The following TBCK variants were observed in gnomAD, a reference collection of about 807,000 sequenced individuals.
TBCK encodes TBC domain-containing protein kinase-like protein.
In TBCK, 99 loss-of-function variants were observed where a neutral mutation model predicts 113.4. That is an observed-to-expected ratio of 0.87 (90% confidence interval 0.74 to 1.03). TBCK has a LOEUF of 1.03. Among genes scored for constraint, TBCK ranks in the 50% least tolerant of loss-of-function variants. TBCK has a pLI of 0.00. For missense variants in TBCK, 1,045 were observed against 1,061.3 expected, an observed-to-expected ratio of 0.98 and a Z score of 0.21; for synonymous variants, 369 against 370.8, an observed-to-expected ratio of 1.00 and a Z score of 0.05.
chr4:106,132,511 A>G (rs2149625212), intron 23 of TBCK, among the ~76,000 whole-genome samples: 1 of 152,370 alleles, frequency 6.6e-6, no homozygotes, highest in Admixed American at 6.5e-5. Context: ...CTGGACGTCC[A>G]TGCAAAAGTT....
At chr4:106,090,122 C>A (rs1424786157) in intron 25 of TBCK, among the ~76,000 whole-genome samples, 1 of 152,238 alleles carries the variant, frequency 6.6e-6, no homozygotes, top group Non-Finnish European at 1.5e-5. Flanking sequence ...ATCCAGACTT[C>A]CCCACACGTG....
chr4:106,252,523 T>A (rs1283214213), intron 5 of TBCK, among the ~76,000 whole-genome samples: 2 of 152,128 alleles, frequency 1.3e-5, no homozygotes, highest in Non-Finnish European at 2.9e-5. Context: ...CATGGTGGAA[T>A]ACTATACATA....
At chr4:106,150,177 C>T (rs1392383008) in intron 23 of TBCK, among the ~76,000 whole-genome samples, 1 of 152,124 alleles carries the variant, frequency 6.6e-6, no homozygotes, top group Non-Finnish European at 1.5e-5. Flanking sequence ...GTGAAAAGGG[C>T]TGTTGCTTTT....
intron 20 of TBCK, among the ~76,000 whole-genome samples, chr4:106,197,469 G>C (rs936342170): frequency 2.7e-5 from 4 of 148,338 alleles, no homozygotes; most frequent in Non-Finnish European, 5.9e-5. Flanking sequence ...CAAATGATCA[G>C]AGTGAAAAAA....
Position 106,116,978 on chromosome 4 carries a change from C to A in TBCK, c.2236-600G>T, listed in dbSNP as rs551454984. Reference sequence around the variant, plus strand: ...CTTGATTCATCCTGAAATCATCCCCCCCCCATCTCAAACCCAGTCCATGGA... The same window carrying A: ...CTTGATTCATCCTGAAATCATCCCCACCCCATCTCAAACCCAGTCCATGGA... On this transcript the variant is annotated intron_variant, in intron 23 of 25. Coordinates refer to ENST00000394708, the MANE Select transcript of TBCK (RefSeq NM_001163435.3). Among the ~76,000 whole-genome samples the A allele has an allele frequency of 1.6e-4, 25 of 152,100 alleles. 1 individual carries two copies. In the South Asian group the frequency reaches 5.2e-3, roughly 32 times the overall value.
At chr4:106,303,809 T>C (rs954819518) in intron 2 of TBCK, among the ~76,000 whole-genome samples, 2 of 152,144 alleles carry the variant, frequency 1.3e-5, no homozygotes, top group Non-Finnish European at 2.9e-5. Context: ...ATTTGCCTGA[T>C]AACCAACCAT....
At chr4:106,297,902 T>C (rs1190595786) in intron 2 of TBCK, among the ~76,000 whole-genome samples, 1 of 152,214 alleles carries the variant, frequency 6.6e-6, no homozygotes, top group Non-Finnish European at 1.5e-5. Context: ...CACAGGGTTG[T>C]TGTGAGGTTG....
At position 106,261,587 on chromosome 4, in the gene TBCK, T is replaced by G. The variant is rs1320911330; in HGVS notation, c.381+511A>C. Reference sequence around the variant, plus strand: ...AATTCTCTTTGAAGGGTTTACAAGCTTCTTCTTAATGCCCCATAAGATTTC... The same window carrying G: ...AATTCTCTTTGAAGGGTTTACAAGCGTCTTCTTAATGCCCCATAAGATTTC... On this transcript the variant is annotated intron_variant, in intron 4 of 25. Transcript: ENST00000394708. 3.3e-5 allele frequency among the ~76,000 whole-genome samples: 5 copies of G among 152,244 alleles called. No homozygotes were observed. In the East Asian group the frequency reaches 7.7e-4, roughly 23 times the overall value.
intron 2 of TBCK, among the ~76,000 whole-genome samples, chr4:106,297,041 C>T (rs1450414532): frequency 6.6e-6 from 1 of 152,092 alleles, no homozygotes; most frequent in Non-Finnish European, 1.5e-5. Context: ...GTCCATTTTC[C>T]TTACATTTAT....
intron 23 of TBCK, among the ~76,000 whole-genome samples, chr4:106,127,105 G>A (rs1745308870): frequency 1.3e-5 from 2 of 151,756 alleles, no homozygotes; most frequent in South Asian, 4.2e-4. Context: ...CTACTCGGGA[G>A]GCTGAGGCAG....
At chr4:106,230,522 G>T in intron 18 of TBCK, 76 bp from the exon 19 acceptor site, 1 of 717,710 alleles carries the variant, frequency 1.4e-6, no homozygotes, top group Non-Finnish European at 2.2e-6. Flanking sequence ...CATTCACTTA[G>T]CACATATTCC....
At chr4:106,093,717 A>C (rs2149515329) in intron 25 of TBCK, among the ~76,000 whole-genome samples, 1 of 152,308 alleles carries the variant, frequency 6.6e-6, no homozygotes, top group East Asian at 1.9e-4. Flanking sequence ...AGAAAAAATA[A>C]CTATTGGGTA....
chr4:106,173,434 T>G (rs1375573773), intron 22 of TBCK, among the ~76,000 whole-genome samples: 1 of 152,184 alleles, frequency 6.6e-6, no homozygotes, highest in Non-Finnish European at 1.5e-5. Flanking sequence ...CAGTTTAGTT[T>G]CCAAAGGAAA....
chr4:106,156,749 C>T (rs1454961155), intron 23 of TBCK, among the ~76,000 whole-genome samples: 1 of 152,116 alleles, frequency 6.6e-6, no homozygotes. Context: ...TGGCCTGGGA[C>T]TCACTCTTCA....
At chr4:106,058,885 G>GT (rs1735728124) in intron 25 of TBCK, among the ~76,000 whole-genome samples, 3 of 151,826 alleles carry the variant, frequency 2.0e-5, no homozygotes, top group African/African-American at 7.2e-5. Flanking sequence ...GGGAGCTGCA[G>GT]TAAGTCTTTC....
chr4:106,238,836 G>C (rs1759759737), intron 12 of TBCK: 1 of 152,138 alleles, frequency 6.6e-6, no homozygotes, highest in Non-Finnish European at 1.5e-5. Context: ...GCCACTGCTG[G>C]AGTCTGTTAA....
At chr4:106,265,407 T>C (rs1458649949) in intron 3 of TBCK, among the ~76,000 whole-genome samples, 1 of 151,986 alleles carries the variant, frequency 6.6e-6, no homozygotes, top group Non-Finnish European at 1.5e-5. Flanking sequence ...TCAGTTATTT[T>C]AAGATGTACA....
intron 25 of TBCK, among the ~76,000 whole-genome samples, chr4:106,080,008 C>T (rs1398921618): frequency 6.6e-6 from 1 of 152,136 alleles, no homozygotes. Context: ...TCACCTCCCA[C>T]CAGGCCCCTC....
chr4:106,232,427 T>C (rs1407684922), intron 17 of TBCK, among the ~76,000 whole-genome samples: 1 of 151,680 alleles, frequency 6.6e-6, no homozygotes, highest in African/African-American at 2.4e-5. Flanking sequence ...AAAAATAGGG[T>C]TGGAATGGGT....
Sources: gnomAD v4.1 joint callset for allele counts (sites outside exome capture counted in the v4.1 genomes callset) on GRCh38, gnomAD v4.1.1 for gene constraint, MANE v1.5 for transcripts, NCBI Gene and HGNC (gene_info 2026-07-23, HGNC 2026-07-21) for gene names.